The following TTC27 variants were observed in gnomAD, a reference collection of about 807,000 sequenced individuals.
TTC27 encodes tetratricopeptide repeat protein 27.
In TTC27, 79 loss-of-function variants were observed where a neutral mutation model predicts 115.9. The observed-to-expected ratio is 0.68, with a 90% CI of 0.57 to 0.82. TTC27 has a LOEUF of 0.82. Ranked by LOEUF, TTC27 falls within the 40% of genes least tolerant of loss-of-function variation. TTC27 has a pLI of 0.00. For synonymous variants in TTC27, 401 were observed against 356.0 expected (o/e 1.13, Z -1.42); for missense variants, 1,054 against 993.1 (o/e 1.06, Z -0.82).
intron 15 of TTC27, 85 bp from the exon 16 acceptor site, chr2:32,786,899 A>G (rs978289320): frequency 3.7e-5 from 44 of 1,191,854 alleles, no homozygotes; most frequent in Non-Finnish European, 1.4e-5. Flanking sequence ...GACAGTCCAC[A>G]TTAGTATTTT....
At chr2:32,741,473 C>T (rs1403871752) in intron 12 of TTC27, among the ~76,000 whole-genome samples, 2 of 150,634 alleles carry the variant, frequency 1.3e-5, no homozygotes, top group Non-Finnish European at 1.5e-5. Context: ...GAAACCCCAT[C>T]TCTACTAAAA....
At chr2:32,783,413 A>T (rs1306829924) in intron 15 of TTC27, among the ~76,000 whole-genome samples, 1 of 152,248 alleles carries the variant, frequency 6.6e-6, no homozygotes, top group East Asian at 1.9e-4. Context: ...GTAGTATTTT[A>T]GGAGATAAGA....
intron 10 of TTC27, among the ~76,000 whole-genome samples, chr2:32,718,072 A>G (rs1269347994): frequency 6.6e-6 from 1 of 152,222 alleles, no homozygotes; most frequent in Non-Finnish European, 1.5e-5. Context: ...AGTTGCCATA[A>G]TTATTATTTC....
chr2:32,736,057 A>G (rs1668443057), intron 11 of TTC27, among the ~76,000 whole-genome samples: 1 of 152,126 alleles, frequency 6.6e-6, no homozygotes. Context: ...CTACTTTTTT[A>G]AATCTTTAAA....
At chr2:32,820,384 G>C (rs1390257398) in intron 19 of TTC27, among the ~76,000 whole-genome samples, 1 of 152,184 alleles carries the variant, frequency 6.6e-6, no homozygotes, top group Non-Finnish European at 1.5e-5. Flanking sequence ...AATCTTTGTG[G>C]TCTCTGAGGC....
At chr2:32,746,668 C>T (rs1344679327) in intron 12 of TTC27, among the ~76,000 whole-genome samples, 1 of 151,350 alleles carries the variant, frequency 6.6e-6, no homozygotes, top group Non-Finnish European at 1.5e-5. Flanking sequence ...AGATTTATGG[C>T]CATTCACATT....
chr2:32,638,399 A>G (rs1664505798), intron 3 of TTC27, among the ~76,000 whole-genome samples: 1 of 152,008 alleles, frequency 6.6e-6, no homozygotes, highest in Non-Finnish European at 1.5e-5. Context: ...ATTTTTTTCT[A>G]AGGCAGTCTC....
At chr2:32,678,770 C>A in intron 8 of TTC27, 86 bp from the exon 9 acceptor site, 3 of 906,350 alleles carry the variant, frequency 3.3e-6, no homozygotes, top group Non-Finnish European at 5.1e-6. Flanking sequence ...TAAAATATAG[C>A]AGTTTACTTT....
intron 3 of TTC27, among the ~76,000 whole-genome samples, chr2:32,635,942 A>C (rs931318242): frequency 6.6e-6 from 1 of 152,218 alleles, no homozygotes; most frequent in Non-Finnish European, 1.5e-5. Context: ...TCTTATGTCT[A>C]TGAAGGGAAT....
chr2:32,714,990 G>A (rs950883683), intron 10 of TTC27, among the ~76,000 whole-genome samples: 1 of 151,992 alleles, frequency 6.6e-6, no homozygotes, highest in Admixed American at 6.6e-5. Context: ...ACCTTTGTTG[G>A]ATGCATTTGC....
At chr2:32,646,289 C>A (rs2710618) in intron 4 of TTC27, among the ~76,000 whole-genome samples, 2 of 151,772 alleles carry the variant, frequency 1.3e-5, no homozygotes, top group East Asian at 2.0e-4. Flanking sequence ...TGGCCTCCCA[C>A]AGTGCTGGGA....
At chr2:32,687,152 G>GT (rs1294393484) in intron 9 of TTC27, among the ~76,000 whole-genome samples, 37 of 152,102 alleles carry the variant, frequency 2.4e-4, no homozygotes, top group African/African-American at 8.9e-4. Flanking sequence ...CCATTTCTTG[G>GT]TATTTTCTAA....
chr2:32,632,382 T>G lies in TTC27; in HGVS notation c.267-1494T>G, dbSNP rs143085051. 9.1e-3 allele frequency among the ~76,000 whole-genome samples: 1,383 copies of G among 152,246 alleles called. 10 individuals carry two copies. Among genetic ancestry groups the G allele is most frequent in the Middle Eastern group, 0.024 (7 of 294 alleles). On this transcript the variant is annotated intron_variant, in intron 2 of 19. Coordinates refer to ENST00000317907, the MANE Select transcript of TTC27 (RefSeq NM_017735.5). ...TTGTGGCACCCATTAAAACAACACATTCACACAAATGCATTATTCACTGAT... is the reference window on the plus strand; with the variant it reads ...TTGTGGCACCCATTAAAACAACACAGTCACACAAATGCATTATTCACTGAT...
chr2:32,765,750 C>T (rs1201302541), intron 13 of TTC27, among the ~76,000 whole-genome samples: 1 of 152,194 alleles, frequency 6.6e-6, no homozygotes, highest in African/African-American at 2.4e-5. Flanking sequence ...TGCAGTTTCT[C>T]CATCACTACT....
At chr2:32,788,604 C>G (rs1381102513) in intron 16 of TTC27, among the ~76,000 whole-genome samples, 1 of 152,182 alleles carries the variant, frequency 6.6e-6, no homozygotes, top group Non-Finnish European at 1.5e-5. Context: ...GCTTGTCTTT[C>G]TGTTGTGAGT....
At chr2:32,701,679 T>A (rs556906601) in intron 9 of TTC27, among the ~76,000 whole-genome samples, 1 of 152,280 alleles carries the variant, frequency 6.6e-6, no homozygotes, top group Admixed American at 6.5e-5. Flanking sequence ...CTTGCTAACC[T>A]TTAATGAGAG....
At chr2:32,711,508 CCTGAG>C (rs1667580455) in intron 10 of TTC27, among the ~76,000 whole-genome samples, 1 of 151,984 alleles carries the variant, frequency 6.6e-6, no homozygotes, top group Admixed American at 6.5e-5. Flanking sequence ...TTACTGCATC[CCTGAG>C]GAATAAGAGG....
chr2:32,701,932 G>A (rs1374856548), intron 9 of TTC27, among the ~76,000 whole-genome samples: 1 of 151,368 alleles, frequency 6.6e-6, no homozygotes, highest in Non-Finnish European at 1.5e-5. Flanking sequence ...GATTGCATGA[G>A]CTCAGGAAGC....
intron 10 of TTC27, among the ~76,000 whole-genome samples, chr2:32,720,812 C>T (rs142854336): frequency 0.013 from 1,954 of 152,196 alleles, 37 homozygotes; most frequent in African/African-American, 0.045. Context: ...TATTATGAAC[C>T]GGTCATTTAT....
Sources: allele counts gnomAD v4.1 joint callset (sites outside exome capture counted in the v4.1 genomes callset), GRCh38; gene constraint gnomAD v4.1.1; transcripts MANE v1.5; gene names NCBI Gene and HGNC (gene_info 2026-07-23, HGNC 2026-07-21).